The following PCMTD1 variants were observed in gnomAD, a reference collection of about 807,000 sequenced individuals.
The protein encoded by PCMTD1 is protein-L-isoaspartate (D-aspartate) O-methyltransferase domain containing 1.
A neutral mutation model predicts 37.6 loss-of-function variants in PCMTD1; 12 were observed. That is an observed-to-expected ratio of 0.32 (90% CI 0.20 to 0.52). The LOEUF (loss-of-function observed/expected upper bound fraction) is 0.52, where lower values mean the gene tolerates loss of function less well. Among genes scored for constraint, PCMTD1 ranks in the 20% least tolerant of loss-of-function variants. The pLI is 0.97. For missense variants in PCMTD1, 235 were observed against 421.3 expected (o/e 0.56, Z 3.87); for synonymous variants, 117 against 135.8 (o/e 0.86, Z 0.96).
At chr8:51,896,601 C>T (rs748210002) in intron 1 of PCMTD1, among the ~76,000 whole-genome samples, 61 of 152,238 alleles carry the variant, frequency 4.0e-4, no homozygotes, top group Middle Eastern at 3.4e-3. Flanking sequence ...TAACACAAAT[C>T]CCCATCTTCT....
chr8:51,834,182 A>C (rs1241077445), intron 3 of PCMTD1, among the ~76,000 whole-genome samples: 1 of 152,208 alleles, frequency 6.6e-6, no homozygotes, highest in Non-Finnish European at 1.5e-5. Flanking sequence ...AAAAGATACG[A>C]GTGTCCTGAC....
At chr8:51,897,558 TTA>T (rs1194381380) in intron 1 of PCMTD1, among the ~76,000 whole-genome samples, 3 of 152,230 alleles carry the variant, frequency 2.0e-5, no homozygotes, top group Non-Finnish European at 2.9e-5. Context: ...TTCAGCAACT[TTA>T]TGTTTTATGG....
chr8:51,829,854 G>C (rs149768015), intron 5 of PCMTD1, among the ~76,000 whole-genome samples: 2 of 152,130 alleles, frequency 1.3e-5, no homozygotes, highest in African/African-American at 2.4e-5. Context: ...AAAGAGAGTA[G>C]AATGAACACT....
Position 51,860,762 on chromosome 8 carries a change from CAA to C in PCMTD1, c.307+81_307+82del. On this transcript the variant is annotated intron_variant, in intron 2 of 5. Transcript: ENST00000522514. ...TATACACATTCAAACATACTGTACA[CAA>C]AGTTACAACTCCTATAAATCATAAA... 5 of 1,202,726 alleles carry C rather than the reference CAA, an allele frequency of 4.2e-6. No individual in the cohort carries two copies. In the South Asian group the frequency reaches 8.1e-5, roughly 19 times the overall value. The allele number at this position is 1,202,726 out of a possible 1,614,324, so 74.5% of individuals were successfully genotyped here.
intron 2 of PCMTD1, among the ~76,000 whole-genome samples, chr8:51,856,935 C>A (rs2038398552): frequency 1.3e-5 from 2 of 152,200 alleles, no homozygotes. Flanking sequence ...TTGAAAATCA[C>A]TGAATTGTAC....
chr8:51,851,530 C>T (rs113421568), intron 2 of PCMTD1, among the ~76,000 whole-genome samples: 164 of 151,866 alleles, frequency 1.1e-3, no homozygotes, highest in African/African-American at 3.6e-3. Context: ...CCTCAATGTG[C>T]GCAATAGAAT....
At chr8:51,846,640 A>T (rs1259443007) in intron 2 of PCMTD1, among the ~76,000 whole-genome samples, 1 of 151,292 alleles carries the variant, frequency 6.6e-6, no homozygotes, top group East Asian at 1.9e-4. Context: ...TATTTTCAGT[A>T]TCTTTAGGAA....
At position 51,876,872 on chromosome 8, in the gene PCMTD1, A is replaced by C. The variant is rs2038720070; in HGVS notation, c.-95-15626T>G. The stretch of plus-strand genomic sequence containing the variant: ...GGCAACTAATAAATGTAGAAGAAAT[A>C]ATGGTGTTAGAAAAACACCAATGGA... On this transcript the variant is annotated intron_variant, in intron 1 of 5. Coordinates refer to ENST00000522514, the MANE Select transcript of PCMTD1 (RefSeq NM_052937.4). 2.0e-5 allele frequency among the ~76,000 whole-genome samples: 3 copies of C among 152,358 alleles called. No homozygotes were observed. The South Asian group carries it at 6.2e-4, about 32-fold the overall frequency.
At chr8:51,876,921 T>C (rs1250392244) in intron 1 of PCMTD1, among the ~76,000 whole-genome samples, 1 of 152,164 alleles carries the variant, frequency 6.6e-6, no homozygotes, top group Non-Finnish European at 1.5e-5. Flanking sequence ...GTGTGAAAAT[T>C]TGGTGAGGAA....
At chr8:51,858,323 G>A (rs2038421135) in intron 2 of PCMTD1, among the ~76,000 whole-genome samples, 1 of 152,182 alleles carries the variant, frequency 6.6e-6, no homozygotes, top group East Asian at 1.9e-4. Context: ...TGTTTATGGG[G>A]GAGCACCTGT....
intron 3 of PCMTD1, among the ~76,000 whole-genome samples, chr8:51,836,281 G>A (rs2038064963): frequency 6.6e-6 from 1 of 152,136 alleles, no homozygotes; most frequent in Admixed American, 6.6e-5. Context: ...GCTAATTCAA[G>A]TTTAGATCAT....
At chr8:51,865,292 A>C (rs2038534148) in intron 1 of PCMTD1, among the ~76,000 whole-genome samples, 1 of 152,094 alleles carries the variant, frequency 6.6e-6, no homozygotes, top group African/African-American at 2.4e-5. Context: ...CTTCCAAAAA[A>C]TCAAGTGAAG....
At chr8:51,868,225 A>G (rs993298036) in intron 1 of PCMTD1, among the ~76,000 whole-genome samples, 3 of 152,212 alleles carry the variant, frequency 2.0e-5, no homozygotes, top group African/African-American at 4.8e-5. Flanking sequence ...TACTATAAAC[A>G]TAATTCCTTA....
intron 1 of PCMTD1, among the ~76,000 whole-genome samples, chr8:51,877,221 C>T (rs552281362): frequency 2.1e-4 from 32 of 152,298 alleles, no homozygotes; most frequent in Admixed American, 1.3e-3. Context: ...GAGACAGGGT[C>T]ATTTATAACC....
chr8:51,887,530 C>T (rs1358660120), intron 1 of PCMTD1, among the ~76,000 whole-genome samples: 1 of 152,034 alleles, frequency 6.6e-6, no homozygotes, highest in Non-Finnish European at 1.5e-5. Flanking sequence ...AATCCTCTAA[C>T]TAAAGCAATA....
chr8:51,895,436 T>C (rs1160369262), intron 1 of PCMTD1, among the ~76,000 whole-genome samples: 1 of 152,230 alleles, frequency 6.6e-6, no homozygotes, highest in African/African-American at 2.4e-5. Flanking sequence ...TTTATGCAAA[T>C]TAGTTTTTAA....
In PCMTD1 at chr8:51,833,616, G is replaced by T. The variant is rs749492208; in HGVS notation, c.484C>A (p.Arg162=). 1 of 1,612,280 alleles carries T rather than the reference G, an allele frequency of 6.2e-7. No homozygotes were observed. Among genetic ancestry groups the T allele is most frequent in the Admixed American group, 1.7e-5 (1 of 59,952 alleles). The change falls in exon 4 of 6, where the codon CGA becomes AGA. Residue 162 remains arginine (R), a synonymous_variant. Transcript: ENST00000522514. ...TGCACTCCAGCTCCACAATAAATTC[G>T]ATCATACTGATGACTGTCAGAAGCT... ...QIASDSHQYD[R]IYCGAGVQKD...
At position 51,820,739 on chromosome 8, in the gene PCMTD1, C is replaced by G. The variant is rs760922708; in HGVS notation, c.707-21G>C. 3.2e-6 allele frequency: 5 copies of G among 1,557,330 alleles called. No individual in the cohort carries two copies. In the Admixed American group the frequency reaches 1.0e-4, roughly 33 times the overall value. The stretch of plus-strand genomic sequence containing the variant: ...GGGAGCTAAAAACAAACATAAAACG[C>G]AAGAAAGAAAATATTAACAATAAAA... On this transcript the variant is annotated intron_variant, in intron 5 of 5. Transcript: ENST00000522514.
chr8:51,847,856 T>C lies in PCMTD1; in HGVS notation c.308-2093A>G, dbSNP rs186089625. Among the ~76,000 whole-genome samples the C allele has an allele frequency of 2.7e-3, 405 of 152,172 alleles. 1 individual carries two copies. Among genetic ancestry groups the C allele is most frequent in the African/African-American group, 9.1e-3 (379 of 41,524 alleles). ...ACTTTGGGAGGCCAAGGTGGGAGGA[T>C]TGCTTGAGCCTAGGACTTCGAGACC... On this transcript the variant is annotated intron_variant, in intron 2 of 5. Transcript: ENST00000522514.
Sources: allele counts gnomAD v4.1 joint callset (sites outside exome capture counted in the v4.1 genomes callset), GRCh38; gene constraint gnomAD v4.1.1; transcripts MANE v1.5; gene names NCBI Gene and HGNC (gene_info 2026-07-23, HGNC 2026-07-21).